Variants in GALNTL5 observed in about 807,000 individuals in gnomAD.
GALNTL5 encodes the protein polypeptide N-acetylgalactosaminyltransferase like 5, also known as inactive polypeptide N-acetylgalactosaminyltransferase-like protein 5.
In GALNTL5, 44 loss-of-function variants were observed where a neutral mutation model predicts 51.0. The ratio of observed to expected loss-of-function variants is 0.86; its 90% CI spans 0.68 to 1.11. The LOEUF is 1.11. GALNTL5 is among the 50% of genes least tolerant of loss of function. The pLI is 0.00. For synonymous variants in GALNTL5, 192 were observed against 182.8 expected (o/e 1.05, Z -0.41); for missense variants, 528 against 531.8 (o/e 0.99, Z 0.07).
At chr7:152,012,478 C>T (rs956445015) in intron 7 of GALNTL5, among the ~76,000 whole-genome samples, 2 of 152,060 alleles carry the variant, frequency 1.3e-5, no homozygotes, top group African/African-American at 4.8e-5. Context: ...ATTAGTTCAA[C>T]CATTGTGGAA....
intron 6 of GALNTL5, among the ~76,000 whole-genome samples, chr7:152,006,786 G>A (rs1275964275): frequency 6.6e-6 from 1 of 151,822 alleles, no homozygotes; most frequent in Non-Finnish European, 1.5e-5. Flanking sequence ...TTTTTTTGGG[G>A]GGGGCGGGAC....
Position 151,967,370 on chromosome 7 carries a change from C to A in GALNTL5, c.124C>A (p.Pro42Thr), listed in dbSNP as rs1225252441. Residue 42 changes from proline (P) to threonine (T), a missense_variant, in exon 2 of 9, where the codon CCT becomes ACT. Physicochemically the swap from Pro to Thr is conservative, Grantham distance 38. Transcript: ENST00000392800. Reference protein sequence around the residue: ...VSSWQKKSQEPLSAWSPGKKV... With the variant: ...VSSWQKKSQETLSAWSPGKKV... The stretch of plus-strand genomic sequence containing the variant: ...CAGCTGGCAGAAGAAAAGCCAGGAG[C>A]CTCTGTCAGCTTGGTCCCCTGGAAA... 3.1e-6 allele frequency: 5 copies of A among 1,614,088 alleles called. No individual in the cohort carries two copies. The highest frequency in any genetic ancestry group is 4.2e-6 in the Non-Finnish European group (5 of 1,180,000).
At chr7:151,996,213 T>TTAG (rs1436948321) in intron 5 of GALNTL5, among the ~76,000 whole-genome samples, 6 of 151,976 alleles carry the variant, frequency 3.9e-5, no homozygotes, top group African/African-American at 4.8e-5. Flanking sequence ...TAATTTTATT[T>TTAG]TATTATTATT....
chr7:151,959,639 C>T (rs2080968131), intron 1 of GALNTL5, among the ~76,000 whole-genome samples: 1 of 152,194 alleles, frequency 6.6e-6, no homozygotes, highest in Non-Finnish European at 1.5e-5. Flanking sequence ...CCCATATATA[C>T]ACCCTGCGTG....
rs146320226 is a variant in GALNTL5, at chr7:151,958,230, C to T, written c.-40+1621C>T. On this transcript the variant is annotated intron_variant, in intron 1 of 8. Transcript: ENST00000392800. The stretch of plus-strand genomic sequence containing the variant: ...CTCTGGGCTTGCTCTCCCCACTGGA[C>T]GCAGCAGGCTGCACTCGGCTGGCAC... Among the ~76,000 whole-genome samples, 163 of 152,332 alleles carry T rather than the reference C, an allele frequency of 1.1e-3. 2 individuals are homozygous for T. The highest frequency in any genetic ancestry group is 3.6e-3 in the African/African-American group (151 of 41,574).
chr7:151,988,329 G>A (rs2081386500), intron 5 of GALNTL5, among the ~76,000 whole-genome samples: 2 of 152,164 alleles, frequency 1.3e-5, no homozygotes, highest in Admixed American at 6.5e-5. Context: ...GGCCTCCTAC[G>A]ATCACGCCTC....
intron 3 of GALNTL5, 74 bp downstream of exon 3, chr7:151,971,139 AAAG>A: frequency 8.3e-6 from 5 of 602,898 alleles, no homozygotes; most frequent in Non-Finnish European, 1.1e-5. Context: ...AGATAGATAG[AAAG>A]AAAACAGTTA....
chr7:151,986,380 AT>A (rs2081359781), intron 4 of GALNTL5, among the ~76,000 whole-genome samples: 1 of 152,196 alleles, frequency 6.6e-6, no homozygotes, highest in African/African-American at 2.4e-5. Flanking sequence ...CACGCCTATA[AT>A]CCCAGAACTT....
chr7:152,009,655 C>G (rs138023186), intron 7 of GALNTL5, among the ~76,000 whole-genome samples: 66 of 152,292 alleles, frequency 4.3e-4, no homozygotes, highest in African/African-American at 1.4e-3. Flanking sequence ...CTTTCTGCAT[C>G]TGGTGTGAAA....
At chr7:152,008,142 G>A (rs2081675328) in intron 7 of GALNTL5, among the ~76,000 whole-genome samples, 198 bp downstream of exon 7, 1 of 151,944 alleles carries the variant, frequency 6.6e-6, no homozygotes, top group Non-Finnish European at 1.5e-5. Context: ...GGCCTGGTGT[G>A]GTGGCTCATG....
intron 8 of GALNTL5, among the ~76,000 whole-genome samples, chr7:152,016,230 CG>C (rs1245251797): frequency 6.6e-6 from 1 of 151,982 alleles, no homozygotes; most frequent in Non-Finnish European, 1.5e-5. Flanking sequence ...CATGGAGAAA[CG>C]CCATCTCTAC....
chr7:151,973,740 G>A (rs1418646951), intron 3 of GALNTL5, among the ~76,000 whole-genome samples: 4 of 152,084 alleles, frequency 2.6e-5, no homozygotes, highest in Non-Finnish European at 4.4e-5. Flanking sequence ...CTGTTGGGAA[G>A]GCGTGATTGG....
intron 8 of GALNTL5, among the ~76,000 whole-genome samples, chr7:152,017,788 C>T (rs1290089337): frequency 6.6e-6 from 1 of 152,088 alleles, no homozygotes; most frequent in Non-Finnish European, 1.5e-5. Flanking sequence ...AGTTGATAAG[C>T]ATTCTGATTT....
At chr7:152,000,541 T>G (rs1010886468) in intron 5 of GALNTL5, among the ~76,000 whole-genome samples, 2 of 152,190 alleles carry the variant, frequency 1.3e-5, no homozygotes, top group Admixed American at 1.3e-4. Context: ...CCAACAGCAC[T>G]GGACAAGTGT....
intron 1 of GALNTL5, among the ~76,000 whole-genome samples, chr7:151,957,077 G>A (rs572511500): frequency 4.7e-4 from 71 of 151,218 alleles, no homozygotes; most frequent in African/African-American, 1.5e-3. Flanking sequence ...AGGCTAAGGT[G>A]GCAGGACCAT....
At position 152,002,869 on chromosome 7, in the gene GALNTL5, G is replaced by A. The variant is rs781454120; in HGVS notation, c.814G>A (p.Val272Ile). The A allele has an allele frequency of 3.7e-5, 59 of 1,613,966 alleles. 1 individual carries two copies. In the South Asian group the frequency reaches 6.3e-4, roughly 17 times the overall value. The change falls in exon 6 of 9, where the codon GTA becomes ATA. Residue 272 changes from valine (V) to isoleucine (I), a missense_variant. By Grantham distance (29) the Val-to-Ile change is conservative (BLOSUM62 3). Coordinates refer to ENST00000392800, the MANE Select transcript of GALNTL5 (RefSeq NM_145292.4). ...RTLEYKPSPL[V>I]RGTFDWNLQF... ...TCTGGAGTATAAGCCCTCTCCTCTT[G>A]TAAGGGGAACTTTTGATTGGAACCT... is the stretch of plus-strand genomic sequence containing the variant.
chr7:151,968,613 G>A (rs1410934423), intron 2 of GALNTL5, among the ~76,000 whole-genome samples: 10 of 152,230 alleles, frequency 6.6e-5, no homozygotes, highest in Admixed American at 6.5e-4. Flanking sequence ...GAGAGAAACA[G>A]CAAACCAAGG....
At chr7:151,981,794 C>T (rs528560673) in intron 3 of GALNTL5, among the ~76,000 whole-genome samples, 15 of 150,970 alleles carry the variant, frequency 9.9e-5, no homozygotes, top group South Asian at 2.1e-4. Flanking sequence ...ACTACGAGTG[C>T]GTGCCACCAC....
intron 3 of GALNTL5, among the ~76,000 whole-genome samples, chr7:151,980,702 T>A (rs569995772): frequency 6.6e-6 from 1 of 151,700 alleles, no homozygotes; most frequent in East Asian, 1.9e-4. Flanking sequence ...TCCCACTGTT[T>A]TTCCCCTTTC....
Sources: allele counts gnomAD v4.1 joint callset (sites outside exome capture counted in the v4.1 genomes callset), GRCh38; gene constraint gnomAD v4.1.1; transcripts MANE v1.5; gene names NCBI Gene and HGNC (gene_info 2026-07-23, HGNC 2026-07-21).